ENTREP2: variants seen among roughly 807,000 people sequenced by gnomAD.
The protein encoded by ENTREP2 is protein ENTREP2.
At chr15:29,247,466 C>T in the ENTREP2 span, among the ~76,000 whole-genome samples, 6 of 152,198 alleles carry the variant, frequency 3.9e-5, 1 homozygote, top group South Asian at 1.2e-3. Flanking sequence ...TAGAACTTGT[C>T]CTACCATGTA....
the ENTREP2 span, among the ~76,000 whole-genome samples, chr15:29,272,893 G>C: frequency 3.3e-4 from 50 of 152,270 alleles, no homozygotes; most frequent in Admixed American, 3.2e-3. Flanking sequence ...AGACTGGCCA[G>C]AACTACTCCA....
chr15:29,540,470 G>A, the ENTREP2 span, among the ~76,000 whole-genome samples: 8 of 152,280 alleles, frequency 5.3e-5, no homozygotes, highest in East Asian at 5.8e-4. Context: ...CTCTGTTTTC[G>A]CCCACCAGGG....
At chr15:29,362,597 A>C in the ENTREP2 span, among the ~76,000 whole-genome samples, 1 of 149,772 alleles carries the variant, frequency 6.7e-6, no homozygotes, top group Non-Finnish European at 1.5e-5. Flanking sequence ...CTAGTCTTGA[A>C]CTCCTGAGCT....
the ENTREP2 span, among the ~76,000 whole-genome samples, chr15:29,303,509 T>A: frequency 1.3e-5 from 2 of 152,048 alleles, no homozygotes; most frequent in Non-Finnish European, 2.9e-5. Flanking sequence ...ATAGGGGTAC[T>A]TTTTTTAGGT....
At chr15:29,540,224 G>A in the ENTREP2 span, among the ~76,000 whole-genome samples, 1 of 152,132 alleles carries the variant, frequency 6.6e-6, no homozygotes, top group African/African-American at 2.4e-5. Flanking sequence ...TCACCCTAGT[G>A]TTTCCCATTT....
chr15:29,320,086 A>C, the ENTREP2 span, among the ~76,000 whole-genome samples: 2 of 152,222 alleles, frequency 1.3e-5, no homozygotes, highest in African/African-American at 2.4e-5. Context: ...ATGCCCGTGC[A>C]GCCTTCCTGT....
the ENTREP2 span, among the ~76,000 whole-genome samples, chr15:29,547,750 A>G: frequency 3.3e-5 from 5 of 152,238 alleles, no homozygotes; most frequent in African/African-American, 1.2e-4. Context: ...TATATATCGA[A>G]AAAATGGAAA....
the ENTREP2 span, among the ~76,000 whole-genome samples, chr15:29,197,004 G>A: frequency 2.0e-5 from 3 of 152,096 alleles, no homozygotes; most frequent in African/African-American, 4.8e-5. Flanking sequence ...CAACTCCAGC[G>A]CCACCCTCGA....
At chr15:29,657,490 G>T in the ENTREP2 span, among the ~76,000 whole-genome samples, 2 of 136,162 alleles carry the variant, frequency 1.5e-5, 1 homozygote, top group South Asian at 5.3e-4. Context: ...GGGCGGGGGG[G>T]GGGGGTGGCC....
chr15:29,415,140 TAACTC>T, the ENTREP2 span, among the ~76,000 whole-genome samples: 1 of 151,724 alleles, frequency 6.6e-6, no homozygotes, highest in African/African-American at 2.4e-5. Flanking sequence ...GAATCCCCCC[TAACTC>T]ATTTTATGAG....
the ENTREP2 span, among the ~76,000 whole-genome samples, chr15:29,557,541 G>T: frequency 6.6e-6 from 1 of 152,162 alleles, no homozygotes; most frequent in Admixed American, 6.5e-5. Context: ...ACCGCTGCTG[G>T]AACCAAGAAG....
At chr15:29,207,967 T>C in the ENTREP2 span, among the ~76,000 whole-genome samples, 1 of 152,154 alleles carries the variant, frequency 6.6e-6, no homozygotes, top group Admixed American at 6.5e-5. Context: ...TCACCCCACC[T>C]TCCCTGCCAA....
At chr15:29,323,653 G>A in the ENTREP2 span, among the ~76,000 whole-genome samples, 1 of 152,056 alleles carries the variant, frequency 6.6e-6, no homozygotes, top group Non-Finnish European at 1.5e-5. Context: ...TTGGGAGAGG[G>A]GGCAGCCATG....
the ENTREP2 span, among the ~76,000 whole-genome samples, chr15:29,207,119 C>T: frequency 6.6e-6 from 1 of 152,158 alleles, no homozygotes; most frequent in Non-Finnish European, 1.5e-5. Flanking sequence ...TACTCCAGAG[C>T]ATCAAGGACT....
chr15:29,635,770 C>A, the ENTREP2 span, among the ~76,000 whole-genome samples: 11 of 152,266 alleles, frequency 7.2e-5, no homozygotes, highest in Admixed American at 5.2e-4. Flanking sequence ...CTCCAGCCAC[C>A]TGTGATTTAT....
chr15:29,295,080 C>A, the ENTREP2 span, among the ~76,000 whole-genome samples: 1 of 152,194 alleles, frequency 6.6e-6, no homozygotes. Flanking sequence ...TTCATGAAGA[C>A]CCTTGGATTG....
the ENTREP2 span, among the ~76,000 whole-genome samples, chr15:29,335,633 G>A: frequency 2.6e-5 from 4 of 152,076 alleles, no homozygotes; most frequent in Non-Finnish European, 4.4e-5. Context: ...CTGGAAATAC[G>A]GGCTCTTCTG....
chr15:29,237,971 C>T, the ENTREP2 span, among the ~76,000 whole-genome samples: 4 of 151,998 alleles, frequency 2.6e-5, no homozygotes, highest in African/African-American at 9.7e-5. Flanking sequence ...GATGGATGAG[C>T]GGATAAACAA....
At chr15:29,133,657 A>G in the ENTREP2 span, among the ~76,000 whole-genome samples, 1 of 152,180 alleles carries the variant, frequency 6.6e-6, no homozygotes, top group Non-Finnish European at 1.5e-5. Context: ...GGCTCCTGGG[A>G]GCCCTGCCTA....
Sources: allele counts gnomAD v4.1 joint callset (sites outside exome capture counted in the v4.1 genomes callset), GRCh38; gene constraint gnomAD v4.1.1; transcripts MANE v1.5; gene names NCBI Gene and HGNC (gene_info 2026-07-23, HGNC 2026-07-21).